AKAP13: variants seen among roughly 807,000 people sequenced by gnomAD.
AKAP13 encodes A-kinase anchoring protein 13.
AKAP13 carries 80 observed loss-of-function variants against 264.5 expected under a neutral mutation model. The observed-to-expected ratio is 0.30, with a 90% CI of 0.25 to 0.36. The LOEUF (loss-of-function observed/expected upper bound fraction) is 0.36. Among genes scored for constraint, AKAP13 ranks in the 10% least tolerant of loss-of-function variants. The pLI is 1.00. For synonymous variants in AKAP13, 1,380 were observed against 1,250.2 expected (o/e 1.10, Z -2.19); for missense variants, 3,712 against 3,435.2 (o/e 1.08, Z -2.01).
At chr15:85,674,120 G>T (rs2084084412) in intron 14 of AKAP13, among the ~76,000 whole-genome samples, 1 of 151,674 alleles carries the variant, frequency 6.6e-6, no homozygotes, top group African/African-American at 2.4e-5. Context: ...GTTGAAAGGG[G>T]AATTGGACCC....
At chr15:85,650,776 A>AAAAAACAAAC (rs2082782642) in intron 10 of AKAP13, among the ~76,000 whole-genome samples, 2 of 142,674 alleles carry the variant, frequency 1.4e-5, no homozygotes, top group South Asian at 2.2e-4. Flanking sequence ...AAAAAAAAAA[A>AAAAAACAAAC]AAAAAAAAAA....
At chr15:85,598,804 C>A (rs12911800) in intron 8 of AKAP13, among the ~76,000 whole-genome samples, 93,500 of 151,236 alleles carry the variant, frequency 0.62, 29,007 homozygotes, top group Middle Eastern at 0.72. Context: ...TCTACTGTTC[C>A]CTTCTAGTAG....
At chr15:85,563,572 A>C (rs1215682388) in intron 5 of AKAP13, among the ~76,000 whole-genome samples, 1 of 152,098 alleles carries the variant, frequency 6.6e-6, no homozygotes, top group African/African-American at 2.4e-5. Context: ...TTGCATTCAA[A>C]TTACCCTGAA....
chr15:85,381,122 C>G (rs2070217655), intron 1 of AKAP13, among the ~76,000 whole-genome samples: 1 of 152,118 alleles, frequency 6.6e-6, no homozygotes, highest in Non-Finnish European at 1.5e-5. Context: ...GATGCTACCT[C>G]AGGCGCTCCG....
At chr15:85,571,831 C>T (rs933692134) in intron 5 of AKAP13, among the ~76,000 whole-genome samples, 1 of 152,156 alleles carries the variant, frequency 6.6e-6, no homozygotes, top group Non-Finnish European at 1.5e-5. Flanking sequence ...TCAGTAGCAA[C>T]AGATATTCAT....
Position 85,530,961 on chromosome 15 carries a change from G to T in AKAP13, c.182-2623G>T, listed in dbSNP as rs557508759. Among the ~76,000 whole-genome samples, 35 of 152,204 alleles carry T rather than the reference G, an allele frequency of 2.3e-4. No homozygotes were observed. The Middle Eastern group carries it at 0.017, about 74-fold the overall frequency. ...ATGATCTTGGCTCATGGCAACCTCT[G>T]CCTCCCAGGTTCAAGTGATTCTCCT... is the stretch of plus-strand genomic sequence containing the variant. On this transcript the variant is annotated intron_variant, in intron 3 of 36. Transcript: ENST00000394518.
At chr15:85,668,315 A>C (rs2083718740) in intron 13 of AKAP13, among the ~76,000 whole-genome samples, 3 of 152,240 alleles carry the variant, frequency 2.0e-5, no homozygotes, top group African/African-American at 4.8e-5. Context: ...ATAAGGAGGC[A>C]GATTTCATTC....
intron 1 of AKAP13, among the ~76,000 whole-genome samples, chr15:85,406,407 T>TC (rs1392689427): frequency 6.9e-6 from 1 of 145,462 alleles, no homozygotes; most frequent in Admixed American, 6.8e-5. Flanking sequence ...TTTTTTTTTT[T>TC]GTTTTTTTTT....
Position 85,664,586 on chromosome 15 carries a change from G to A in AKAP13, c.4823G>A (p.Gly1608Glu). Residue 1608 changes from glycine to glutamate, a missense_variant, in exon 13 of 37, where the codon GGA (glycine) becomes GAA (glutamate). Physicochemically the swap from Gly to Glu is moderately conservative, Grantham distance 98. Coordinates refer to ENST00000394518, the MANE Select transcript of AKAP13 (RefSeq NM_007200.5). The part of the protein sequence containing the change: ...RRSFSLEGLT[G>E]GAGVGNKPSS... ...AGTTTCAGTCTAGAAGGCTTGACAG[G>A]AGGAGCTGGTGTCGGAAACAAGCCA... is the stretch of plus-strand genomic sequence containing the variant. 1 of 1,613,100 alleles carries A rather than the reference G, an allele frequency of 6.2e-7. No homozygotes were observed. Among genetic ancestry groups the A allele is most frequent in the Non-Finnish European group, 8.5e-7 (1 of 1,179,408 alleles).
chr15:85,695,924 T>C (rs941502818), intron 17 of AKAP13, among the ~76,000 whole-genome samples: 1 of 152,234 alleles, frequency 6.6e-6, no homozygotes, highest in Non-Finnish European at 1.5e-5. Context: ...TTTTTAGCCA[T>C]TGGACACAGT....
At chr15:85,565,455 A>G (rs2078572299) in intron 5 of AKAP13, among the ~76,000 whole-genome samples, 1 of 152,174 alleles carries the variant, frequency 6.6e-6, no homozygotes, top group Non-Finnish European at 1.5e-5. Context: ...TGATTTGGTT[A>G]CAATATAATC....
intron 3 of AKAP13, among the ~76,000 whole-genome samples, chr15:85,529,868 C>T (rs982266267): frequency 6.6e-6 from 1 of 152,170 alleles, no homozygotes; most frequent in African/African-American, 2.4e-5. Context: ...GAAAAAGAAG[C>T]CTCTAATCGT....
chr15:85,544,091 T>C, intron 5 of AKAP13, 136 bp downstream of exon 5: 1 of 1,048,930 alleles, frequency 9.5e-7, no homozygotes. Flanking sequence ...TGCCTTCTGC[T>C]GGAGGTTTGT....
intron 6 of AKAP13, among the ~76,000 whole-genome samples, chr15:85,575,551 G>A (rs572900996): frequency 1.3e-5 from 2 of 152,264 alleles, no homozygotes; most frequent in African/African-American, 4.8e-5. Flanking sequence ...AAATTGGCCG[G>A]CCTGGTGGCG....
intron 14 of AKAP13, among the ~76,000 whole-genome samples, chr15:85,673,614 T>A (rs1416197924): frequency 6.6e-6 from 1 of 152,060 alleles, no homozygotes; most frequent in Non-Finnish European, 1.5e-5. Flanking sequence ...AAATAAATTT[T>A]ATTTTCACAT....
At chr15:85,442,827 A>G (rs1183479361) in intron 1 of AKAP13, among the ~76,000 whole-genome samples, 2 of 152,006 alleles carry the variant, frequency 1.3e-5, no homozygotes, top group Admixed American at 6.6e-5. Flanking sequence ...CTTTTAAAAA[A>G]TATTTCTCTT....
chr15:85,616,933 G>T (rs542079761), intron 8 of AKAP13, among the ~76,000 whole-genome samples: 2 of 152,294 alleles, frequency 1.3e-5, no homozygotes, highest in East Asian at 3.9e-4. Flanking sequence ...GAATATGTAA[G>T]GAATTGTCCT....
intron 3 of AKAP13, among the ~76,000 whole-genome samples, chr15:85,526,337 G>T (rs1451910983): frequency 6.6e-6 from 1 of 151,882 alleles, no homozygotes; most frequent in Non-Finnish European, 1.5e-5. Context: ...ACAGATCATT[G>T]CAGGCTTGAC....
chr15:85,459,507 CTT>C (rs1245502175), intron 1 of AKAP13, among the ~76,000 whole-genome samples: 1 of 141,256 alleles, frequency 7.1e-6, no homozygotes, highest in African/African-American at 2.6e-5. Context: ...CCTGCTTTTT[CTT>C]TTTTTTTTGA....
Sources: gnomAD v4.1 joint callset for allele counts (sites outside exome capture counted in the v4.1 genomes callset) on GRCh38, gnomAD v4.1.1 for gene constraint, MANE v1.5 for transcripts, NCBI Gene and HGNC (gene_info 2026-07-23, HGNC 2026-07-21) for gene names.